MMEL1: variants seen among roughly 807,000 people sequenced by gnomAD.
The protein encoded by MMEL1 is membrane metalloendopeptidase like 1.
In MMEL1, 98 loss-of-function variants were observed where a neutral mutation model predicts 117.1. The ratio of observed to expected loss-of-function variants is 0.84; its 90% confidence interval spans 0.71 to 0.99. The LOEUF is 0.99. MMEL1 is among the 50% of genes least tolerant of loss of function. MMEL1 has a pLI of 0.00. For synonymous variants in MMEL1, 390 were observed against 415.1 expected (o/e 0.94, Z 0.74); for missense variants, 1,014 against 1,049.1 (o/e 0.97, Z 0.46).
chr1:2,608,357 C>T (rs4073285), intron 6 of MMEL1, among the ~76,000 whole-genome samples: 61,181 of 151,920 alleles, frequency 0.4, 13,051 homozygotes, highest in African/African-American at 0.52. Context: ...GGTGCTGGGC[C>T]GGGGGTGCTC....
intron 6 of MMEL1, among the ~76,000 whole-genome samples, chr1:2,608,152 G>T (rs1468419594): frequency 6.6e-6 from 1 of 152,124 alleles, no homozygotes; most frequent in East Asian, 1.9e-4. Context: ...CAAGCCCAGC[G>T]CACCCAAGCA....
intron 9 of MMEL1, among the ~76,000 whole-genome samples, chr1:2,604,911 C>T (rs1644997399): frequency 6.6e-6 from 1 of 152,216 alleles, no homozygotes; most frequent in Non-Finnish European, 1.5e-5. Context: ...ACTGCTCCAC[C>T]TTTGGCCACA....
intron 10 of MMEL1, 58 bp from the exon 11 acceptor site, chr1:2,604,031 G>A: frequency 1.3e-6 from 2 of 1,595,970 alleles, no homozygotes; most frequent in Admixed American, 3.4e-5. Context: ...TGGGGCTCCT[G>A]GCCCAGTCCC....
intron 11 of MMEL1, among the ~76,000 whole-genome samples, chr1:2,600,101 G>C (rs1356735326): frequency 6.6e-6 from 1 of 152,038 alleles, no homozygotes; most frequent in Non-Finnish European, 1.5e-5. Context: ...CCTAGTAGCT[G>C]AGATTACAGG....
In MMEL1 at chr1:2,594,770, G is replaced by A. The variant is rs1322806925; in HGVS notation, c.1688+20C>T. 3.5e-5 allele frequency: 53 copies of A among 1,522,588 alleles called. No homozygotes were observed. The highest frequency in any genetic ancestry group is 5.5e-5 in the African/African-American group (4 of 73,282). The allele number at this position is 1,522,588 out of a possible 1,614,324, so 94.3% of individuals were successfully genotyped here. ...CTCCCTGGCCCCCCCCGCCCATGCC[G>A]CACCAGCGATGCCACTCACAGATTT... On this transcript the variant is annotated intron_variant, in intron 17 of 23. Coordinates refer to ENST00000378412, the MANE Select transcript of MMEL1 (RefSeq NM_033467.4).
Position 2,609,034 on chromosome 1 carries a change from T to TACACACACACAC in MMEL1, c.535+293_535+304dup, listed in dbSNP as rs70956312. ...TATACACATACTCATATCCATATAA[T>TACACACACACAC]ACACACACACACACACACACACACA... is the stretch of plus-strand genomic sequence containing the variant. On this transcript the variant is annotated intron_variant, in intron 6 of 23. Coordinates refer to ENST00000378412, the MANE Select transcript of MMEL1 (RefSeq NM_033467.4). 2.3e-4 allele frequency among the ~76,000 whole-genome samples: 33 copies of TACACACACACAC among 144,760 alleles called. 1 individual carries two copies. Among genetic ancestry groups the TACACACACACAC allele is most frequent in the East Asian group, 1.0e-3 (5 of 4,848 alleles). 95.0% of individuals were successfully genotyped at this position (144,760 alleles called of 152,430 possible). A position where few individuals can be genotyped will look rare whatever the true frequency, so the allele number is the denominator to read the frequency against.
chr1:2,596,258 T>C, intron 14 of MMEL1, 151 bp from the exon 15 acceptor site: 1 of 767,602 alleles, frequency 1.3e-6, no homozygotes. Flanking sequence ...GTGGGGCCGG[T>C]GGGGGGATGA....
At position 2,605,550 on chromosome 1, in the gene MMEL1, C is replaced by T. The variant is rs553715932; in HGVS notation, c.816+8G>A. On this transcript the variant is annotated splice_region_variant and intron_variant, in intron 9 of 23. Coordinates refer to ENST00000378412, the MANE Select transcript of MMEL1 (RefSeq NM_033467.4). ...GGTCATCTGGCATTGCGGTGAGGAC[C>T]CACCCACCTTCCGGTTGCTGCCGCC... 3.1e-6 allele frequency: 5 copies of T among 1,611,070 alleles called. No individual in the cohort carries two copies. In the African/African-American group the frequency reaches 6.7e-5, roughly 22 times the overall value.
In MMEL1 at chr1:2,606,999, C is replaced by T. The variant is rs961621695; in HGVS notation, c.606G>A (p.Ala202=). 2.3e-5 allele frequency: 37 copies of T among 1,613,120 alleles called. No individual in the cohort carries two copies. The highest frequency in any genetic ancestry group is 1.3e-4 in the East Asian group (6 of 44,886). ...ILEVVGGWPV[A]MDRWNETVGL... is the part of the protein sequence containing the mutation. ...CTACGGTCTCGTTCCACCTGTCCAT[C>T]GCCACCGGCCAGCCTCCCACCACCT... is the stretch of plus-strand genomic sequence containing the variant. The change falls in exon 7 of 24, where the codon GCG becomes GCA. Residue 202 remains alanine, a synonymous_variant. Transcript: ENST00000378412.
Position 2,603,992 on chromosome 1 carries a change from T to C in MMEL1, c.952-19A>G, listed in dbSNP as rs763879291. 5.6e-6 allele frequency: 9 copies of C among 1,612,560 alleles called. No individual in the cohort carries two copies. Among genetic ancestry groups the C allele is most frequent in the Admixed American group, 3.3e-5 (2 of 59,942 alleles). On this transcript the variant is annotated intron_variant, in intron 10 of 23. Coordinates refer to ENST00000378412, the MANE Select transcript of MMEL1 (RefSeq NM_033467.4). ...CCGTGGCCTGTGCCGGGGATAGCAG[T>C]CACACGGGCGGGTGGCCAGGATGCC...
chr1:2,593,820 C>A lies in MMEL1; in HGVS notation c.1861G>T (p.Asp621Tyr). Reference sequence around the variant, plus strand: ...TGGAGGGGCGGCCGCTCACCATTGTCGTCAAAGCCGTGCGTGATCTCGTGC... The same window carrying A: ...TGGAGGGGCGGCCGCTCACCATTGTAGTCAAAGCCGTGCGTGATCTCGTGC... ...IGHEITHGFD[D>Y]NGRNFDKNGN... Residue 621 changes from aspartate (D) to tyrosine (Y), a missense_variant, in exon 19 of 24, where the codon GAC (aspartate) becomes TAC (tyrosine). Transcript: ENST00000378412. The A allele has an allele frequency of 1.2e-6, 2 of 1,606,160 alleles. No individual in the cohort carries two copies. The highest frequency in any genetic ancestry group is 1.3e-5 in the African/African-American group (1 of 74,774).
In MMEL1 at chr1:2,625,422, T is replaced by G. The variant is rs542332945; in HGVS notation, c.154+3909A>C. On this transcript the variant is annotated intron_variant, in intron 2 of 23. Transcript: ENST00000378412. Reference sequence around the variant, plus strand: ...AGGCTCTGCAACAGGTCCAGGCTGCTGGGCAAGCTGCTCTGCCACTTGGGC... The same window carrying G: ...AGGCTCTGCAACAGGTCCAGGCTGCGGGGCAAGCTGCTCTGCCACTTGGGC... Among the ~76,000 whole-genome samples the G allele has an allele frequency of 2.7e-4, 41 of 152,310 alleles. No homozygotes were observed. The South Asian group carries it at 8.5e-3, about 32-fold the overall frequency.
intron 13 of MMEL1, among the ~76,000 whole-genome samples, chr1:2,597,091 T>C (rs1039069551): frequency 3.3e-5 from 5 of 151,982 alleles, no homozygotes; most frequent in African/African-American, 1.2e-4. Flanking sequence ...GGCCCTGGTC[T>C]CTCCATTGTT....
At position 2,592,654 on chromosome 1, in the gene MMEL1, C is replaced by T; in HGVS notation, c.2067+1G>A. 6.3e-7 allele frequency: 1 copy of T among 1,596,152 alleles called. No individual in the cohort carries two copies. Among genetic ancestry groups the T allele is most frequent in the Non-Finnish European group, 8.5e-7 (1 of 1,172,776 alleles). On this transcript the variant is annotated splice_donor_variant, in intron 21 of 23. Transcript: ENST00000378412. LOFTEE classifies it high-confidence loss of function. ...ACGCCCCCTCCCCTGCCAGGCCCCA[C>T]CTTATAGGCTTGCCGCACCCCTCCG...
chr1:2,623,757 G>C (rs945556766), intron 2 of MMEL1, among the ~76,000 whole-genome samples: 3 of 152,306 alleles, frequency 2.0e-5, no homozygotes, highest in African/African-American at 4.8e-5. Flanking sequence ...AGCCTCCCTT[G>C]GTGGCCCAGG....
intron 11 of MMEL1, among the ~76,000 whole-genome samples, chr1:2,599,856 C>CA (rs150372081): frequency 0.018 from 2,289 of 126,466 alleles, 50 homozygotes; most frequent in Admixed American, 0.029. Context: ...GACTTTGTCT[C>CA]AAAAAAAAAA....
chr1:2,593,990 C>T (rs908236229), intron 18 of MMEL1, 57 bp from the exon 19 acceptor site: 1 of 1,529,450 alleles, frequency 6.5e-7, no homozygotes, highest in African/African-American at 1.4e-5. Context: ...TCCTGTGTGC[C>T]AGGCTCAGGG....
chr1:2,596,511 G>C, intron 14 of MMEL1, 50 bp downstream of exon 14: 1 of 1,589,580 alleles, frequency 6.3e-7, no homozygotes, highest in Non-Finnish European at 8.5e-7. Flanking sequence ...GAGGCTCGGT[G>C]TCCCTGTGGA....
At chr1:2,609,922 C>A in intron 4 of MMEL1, 91 bp from the exon 5 acceptor site, 1 of 1,430,146 alleles carries the variant, frequency 7.0e-7, no homozygotes. Flanking sequence ...AAGACACAGC[C>A]TGGTCCCTTG....
Sources: gnomAD v4.1 joint callset for allele counts (sites outside exome capture counted in the v4.1 genomes callset) on GRCh38, gnomAD v4.1.1 for gene constraint, MANE v1.5 for transcripts, NCBI Gene and HGNC (gene_info 2026-07-23, HGNC 2026-07-21) for gene names.